Variants in GABPB1 observed in about 807,000 individuals in gnomAD.
The protein encoded by GABPB1 is GA binding protein transcription factor subunit beta 1, also known as GA-binding protein subunit beta-1.
Under a neutral mutation model 45.9 loss-of-function variants are expected in GABPB1, and 15 were observed. The observed-to-expected ratio is 0.33, with a 90% CI of 0.22 to 0.50. The LOEUF is 0.50. Ranked by LOEUF, GABPB1 falls within the 20% of genes least tolerant of loss-of-function variation. The pLI is 0.98. For synonymous variants in GABPB1, 143 were observed against 154.4 expected (o/e 0.93, Z 0.55); for missense variants, 252 against 457.5 (o/e 0.55, Z 4.10).
chr15:50,282,577 A>G (rs1221328341), intron 8 of GABPB1, among the ~76,000 whole-genome samples: 1 of 148,796 alleles, frequency 6.7e-6, no homozygotes, highest in Non-Finnish European at 1.5e-5. Flanking sequence ...AAAAAAAAAC[A>G]GAGACGGATG....
At chr15:50,292,694 T>A (rs1024873023) in intron 6 of GABPB1, among the ~76,000 whole-genome samples, 12 of 152,232 alleles carry the variant, frequency 7.9e-5, no homozygotes, top group Admixed American at 5.9e-4. Flanking sequence ...TAATTTTTTT[T>A]AATTAATGTT....
intron 2 of GABPB1, among the ~76,000 whole-genome samples, chr15:50,304,381 G>C (rs1216159010): frequency 6.6e-6 from 1 of 152,048 alleles, no homozygotes; most frequent in Non-Finnish European, 1.5e-5. Flanking sequence ...TTTTTTATCA[G>C]ATAAACTGCC....
chr15:50,348,619 T>C (rs1476318699), intron 1 of GABPB1, among the ~76,000 whole-genome samples: 2 of 151,554 alleles, frequency 1.3e-5, no homozygotes, highest in Non-Finnish European at 2.9e-5. Context: ...ATTGCTGCAC[T>C]TTGGGAGGCC....
intron 1 of GABPB1, among the ~76,000 whole-genome samples, chr15:50,323,182 A>C (rs1422832332): frequency 6.6e-6 from 1 of 152,162 alleles, no homozygotes; most frequent in Non-Finnish European, 1.5e-5. Flanking sequence ...ACTGTACTGC[A>C]CAGCGGCTAC....
intron 4 of GABPB1, among the ~76,000 whole-genome samples, chr15:50,302,300 T>C (rs1490122428): frequency 2.0e-5 from 3 of 152,098 alleles, no homozygotes; most frequent in Non-Finnish European, 4.4e-5. Context: ...TCATTTATAG[T>C]AGACTTGGAA....
At chr15:50,349,165 A>T (rs1207911441) in intron 1 of GABPB1, 1 of 152,204 alleles carries the variant, frequency 6.6e-6, no homozygotes, top group East Asian at 1.9e-4. Flanking sequence ...TATCCTATTT[A>T]GTGCGAACAT....
chr15:50,345,327 G>A (rs761814687), intron 1 of GABPB1, among the ~76,000 whole-genome samples: 16 of 152,188 alleles, frequency 1.1e-4, no homozygotes, highest in African/African-American at 2.2e-4. Context: ...CCAAAACTGC[G>A]TAAGTTAGGA....
At chr15:50,307,011 T>C (rs914603036) in intron 2 of GABPB1, among the ~76,000 whole-genome samples, 1 of 152,168 alleles carries the variant, frequency 6.6e-6, no homozygotes, top group Non-Finnish European at 1.5e-5. Context: ...ATGAATAATG[T>C]TGCTGCTAAA....
chr15:50,352,306 T>C (rs2048866300), intron 1 of GABPB1: 1 of 149,724 alleles, frequency 6.7e-6, no homozygotes, highest in Non-Finnish European at 1.5e-5. Flanking sequence ...CACAATGTTA[T>C]GGGAAAAAAC....
At chr15:50,315,142 T>A (rs2047271850) in intron 1 of GABPB1, among the ~76,000 whole-genome samples, 2 of 152,182 alleles carry the variant, frequency 1.3e-5, no homozygotes, top group African/African-American at 4.8e-5. Context: ...TTTTCTTTCT[T>A]TTCTTTTGAG....
intron 8 of GABPB1, among the ~76,000 whole-genome samples, chr15:50,282,634 T>TA (rs568806575): frequency 3.6e-4 from 46 of 128,556 alleles, no homozygotes; most frequent in East Asian, 1.0e-3. Flanking sequence ...AAGATAGCCA[T>TA]AAAAAAAAAA....
rs184999473 is a variant in GABPB1 at position 50,346,262 on chromosome 15, G to A, written c.-1+8723C>T. 2.0e-4 allele frequency: 31 copies of A among 152,284 alleles called. No individual in the cohort carries two copies. The East Asian group carries it at 5.6e-3, about 27-fold the overall frequency. The allele number at this position is 152,284 out of a possible 1,614,324, so 9.4% of individuals were successfully genotyped here. On this transcript the variant is annotated intron_variant, in intron 1 of 8. Coordinates refer to ENST00000380877, the MANE Select transcript of GABPB1 (RefSeq NM_016654.5). The stretch of plus-strand genomic sequence containing the variant: ...AGTTAAAGAGGAAGAAGGAATATGA[G>A]ACAACAGAAAAATGCAATTAATAAG...
intron 8 of GABPB1, 60 bp from the exon 9 acceptor site, chr15:50,278,844 T>G: frequency 7.7e-7 from 1 of 1,293,660 alleles, no homozygotes; most frequent in Non-Finnish European, 1.0e-6. Flanking sequence ...TTAATACATA[T>G]AAGCATGCAT....
chr15:50,354,758 G>A (rs1481564761), intron 1 of GABPB1: 1 of 262,108 alleles, frequency 3.8e-6, no homozygotes, highest in East Asian at 1.7e-4. Flanking sequence ...CAGAAGCAGT[G>A]TGCCCAGCGG....
At chr15:50,289,767 C>CTT in intron 6 of GABPB1, 99 bp from the exon 7 acceptor site, 2 of 701,842 alleles carry the variant, frequency 2.8e-6, no homozygotes, top group African/African-American at 2.2e-5. Flanking sequence ...ATGCTTCTTT[C>CTT]TTTTCTTTTT....
At chr15:50,295,003 T>C (rs2046464971) in intron 6 of GABPB1, among the ~76,000 whole-genome samples, 1 of 152,184 alleles carries the variant, frequency 6.6e-6, no homozygotes, top group African/African-American at 2.4e-5. Flanking sequence ...AAAGTTGCTA[T>C]AGGACTACAG....
At chr15:50,331,349 A>G (rs1020894817) in intron 1 of GABPB1, among the ~76,000 whole-genome samples, 6 of 152,214 alleles carry the variant, frequency 3.9e-5, no homozygotes, top group African/African-American at 1.4e-4. Context: ...CAATAACAGT[A>G]GTGGTAGCAG....
chr15:50,347,867 C>G, intron 1 of GABPB1, among the ~76,000 whole-genome samples: 1 of 152,008 alleles, frequency 6.6e-6, no homozygotes, highest in East Asian at 1.9e-4. Flanking sequence ...ACCAGCCTAG[C>G]CAACATGGCT....
Position 50,331,439 on chromosome 15 carries a change from C to T in GABPB1, c.1-21641G>A, listed in dbSNP as rs550700378. On this transcript the variant is annotated intron_variant, in intron 1 of 8. Transcript: ENST00000380877. The stretch of plus-strand genomic sequence containing the variant: ...ACTTAGAACTAAGAATTCTGGCTGA[C>T]CCTGGTGATCCAGGGAAATGGAACA... 8.5e-5 allele frequency among the ~76,000 whole-genome samples: 13 copies of T among 152,294 alleles called. No individual in the cohort carries two copies. The East Asian group carries it at 2.5e-3, about 29-fold the overall frequency.
Sources: allele counts gnomAD v4.1 joint callset (sites outside exome capture counted in the v4.1 genomes callset), GRCh38; gene constraint gnomAD v4.1.1; transcripts MANE v1.5; gene names NCBI Gene and HGNC (gene_info 2026-07-23, HGNC 2026-07-21).